FNBP1L: variants seen among roughly 807,000 people sequenced by gnomAD.
The protein encoded by FNBP1L is formin-binding protein 1-like.
In FNBP1L, 36 loss-of-function variants were observed where a neutral mutation model predicts 91.2. The ratio of observed to expected loss-of-function variants is 0.39; its 90% CI spans 0.30 to 0.52. The LOEUF (loss-of-function observed/expected upper bound fraction) is 0.52. FNBP1L is among the 20% of genes least tolerant of loss of function. The pLI is 0.66. For synonymous variants in FNBP1L, 242 were observed against 237.0 expected, an observed-to-expected ratio of 1.02 and a Z score of -0.19; for missense variants, 571 against 732.1, an observed-to-expected ratio of 0.78 and a Z score of 2.54.
At chr1:93,449,642 C>G (rs1321188318) in intron 1 of FNBP1L, among the ~76,000 whole-genome samples, 1 of 152,192 alleles carries the variant, frequency 6.6e-6, no homozygotes, top group Non-Finnish European at 1.5e-5. Flanking sequence ...TGTACAAGTG[C>G]TTACCCAGTC....
chr1:93,536,419 G>C lies in FNBP1L; in HGVS notation c.1078G>C (p.Val360Leu), dbSNP rs948721458. 1.9e-6 allele frequency: 3 copies of C among 1,550,444 alleles called. No homozygotes were observed. The highest frequency in any genetic ancestry group is 2.7e-5 in the African/African-American group (2 of 72,914). ...SQFLTFSIEP[V>L]HYCMNEIKTG... is the part of the protein sequence containing the mutation. ...GTTTCTCACATTCTCCATTGAGCCC[G>C]TGCATTATTGTATGAATGAAATAAA... is the stretch of plus-strand genomic sequence containing the variant. The change falls in exon 10 of 17, where the codon GTG becomes CTG. Residue 360 changes from valine to leucine, a missense_variant. This residue lies in a region of FNBP1L where 150 missense variants were observed against 155.9 expected (regional missense o/e 0.96). Coordinates refer to ENST00000271234, the MANE Select transcript of FNBP1L (RefSeq NM_001164473.3).
chr1:93,499,464 C>T lies in FNBP1L; in HGVS notation c.25-4C>T, dbSNP rs767595288. The T allele has an allele frequency of 1.9e-6, 3 of 1,561,410 alleles. No homozygotes were observed. Among genetic ancestry groups the T allele is most frequent in the East Asian group, 4.5e-5 (2 of 44,240 alleles). ...GAAAATGCATTTTTATCTTCCTTTT[C>T]CAGGATCAGTTCGACAGCTTAGACA... On this transcript the variant is annotated splice_polypyrimidine_tract_variant and splice_region_variant and intron_variant, in intron 1 of 16. Coordinates refer to ENST00000271234, the MANE Select transcript of FNBP1L (RefSeq NM_001164473.3).
At chr1:93,519,725 G>C (rs745686153) in intron 2 of FNBP1L, among the ~76,000 whole-genome samples, 2 of 152,160 alleles carry the variant, frequency 1.3e-5, no homozygotes, top group Non-Finnish European at 2.9e-5. Flanking sequence ...CAAGGCAGGC[G>C]GATCACTTGA....
intron 3 of FNBP1L, among the ~76,000 whole-genome samples, 174 bp downstream of exon 3, chr1:93,522,309 G>A (rs1228923289): frequency 6.6e-6 from 1 of 152,116 alleles, no homozygotes; most frequent in African/African-American, 2.4e-5. Flanking sequence ...GATAAATACT[G>A]TAGTGGGCTT....
At position 93,509,326 on chromosome 1, in the gene FNBP1L, A is replaced by G. The variant is rs545379577; in HGVS notation, c.140+9743A>G. ...AACCTCCACAGTTGCTTCAGCAGAG[A>G]ATGAGGGAGCCCAGAGGGTTGTACA... On this transcript the variant is annotated intron_variant, in intron 2 of 16. Transcript: ENST00000271234. Among the ~76,000 whole-genome samples the G allele has an allele frequency of 4.6e-5, 7 of 152,292 alleles. 2 individuals carry two copies. The South Asian group carries it at 1.5e-3, about 32-fold the overall frequency.
chr1:93,547,453 T>C lies in FNBP1L; in HGVS notation c.1502+12T>C, dbSNP rs1457435978. 6.5e-7 allele frequency: 1 copy of C among 1,545,670 alleles called. No individual in the cohort carries two copies. Among genetic ancestry groups the C allele is most frequent in the Non-Finnish European group, 8.8e-7 (1 of 1,142,184 alleles). ...CAGGGACGAGAAAGGTGATTTTTTG[T>C]ATTTTATTTGTATTTCTTCTCCCCA... On this transcript the variant is annotated intron_variant, in intron 14 of 16. Transcript: ENST00000271234.
chr1:93,499,539 TAAAG>T lies in FNBP1L; in HGVS notation c.98_101del (p.Lys33ArgfsTer3). On this transcript the variant is annotated frameshift_variant, in exon 2 of 17. Transcript: ENST00000271234. LOFTEE classifies it high-confidence loss of function. ...TCTTGGAAAGATATGCCAAATTTGTTAAAGAGAGGATAGAAATTGAACAGAACTA... is the reference window on the plus strand; with the variant it reads ...TCTTGGAAAGATATGCCAAATTTGTTAGAGGATAGAAATTGAACAGAACTA... The T allele has an allele frequency of 6.2e-7, 1 of 1,604,208 alleles. No homozygotes were observed. Among genetic ancestry groups the T allele is most frequent in the Non-Finnish European group, 8.5e-7 (1 of 1,175,578 alleles).
chr1:93,515,863 A>G (rs1671083820), intron 2 of FNBP1L, among the ~76,000 whole-genome samples: 3 of 152,110 alleles, frequency 2.0e-5, no homozygotes, highest in Non-Finnish European at 4.4e-5. Context: ...ATGTATACAT[A>G]TGTAGCTAAC....
intron 1 of FNBP1L, among the ~76,000 whole-genome samples, chr1:93,467,837 G>A (rs1669143589): frequency 6.6e-6 from 1 of 152,110 alleles, no homozygotes. Context: ...TACTCTTGAG[G>A]GTGAGGTGAG....
At chr1:93,463,112 T>C (rs1046171046) in intron 1 of FNBP1L, among the ~76,000 whole-genome samples, 2 of 152,196 alleles carry the variant, frequency 1.3e-5, no homozygotes, top group East Asian at 1.9e-4. Flanking sequence ...TTGAGCTCTT[T>C]CGGTTGGCTT....
rs1487654332 is a variant in FNBP1L at position 93,551,115 on chromosome 1, C to T, written c.1810+10C>T. On this transcript the variant is annotated intron_variant, in intron 16 of 16. Coordinates refer to ENST00000271234, the MANE Select transcript of FNBP1L (RefSeq NM_001164473.3). ...GAGAAAAACAGTAAAGGTGCAGTAA[C>T]TTATATCTAAACTAACCAGGCACCT... The T allele has an allele frequency of 1.3e-6, 2 of 1,596,326 alleles. No homozygotes were observed. The highest frequency in any genetic ancestry group is 1.7e-6 in the Non-Finnish European group (2 of 1,170,352).
At chr1:93,513,058 TA>T (rs1331183584) in intron 2 of FNBP1L, among the ~76,000 whole-genome samples, 2 of 151,980 alleles carry the variant, frequency 1.3e-5, no homozygotes, top group Non-Finnish European at 2.9e-5. Flanking sequence ...AAGAATCAAA[TA>T]GACGCAATAA....
At chr1:93,518,168 G>A (rs1671197333) in intron 2 of FNBP1L, among the ~76,000 whole-genome samples, 1 of 151,966 alleles carries the variant, frequency 6.6e-6, no homozygotes, top group African/African-American at 2.4e-5. Context: ...TCTCTACTGG[G>A]CATTTTTATT....
chr1:93,467,183 G>T (rs1343412657), intron 1 of FNBP1L, among the ~76,000 whole-genome samples: 1 of 152,120 alleles, frequency 6.6e-6, no homozygotes, highest in Non-Finnish European at 1.5e-5. Flanking sequence ...AGAGATATTT[G>T]TCCACCCGTG....
chr1:93,548,695 C>T (rs369029223), intron 14 of FNBP1L, among the ~76,000 whole-genome samples: 1 of 152,046 alleles, frequency 6.6e-6, no homozygotes, highest in East Asian at 1.9e-4. Flanking sequence ...TTTAAGGCTC[C>T]AAAGCTCTAG....
chr1:93,487,121 GTC>G lies in FNBP1L; in HGVS notation c.25-12346_25-12345del, dbSNP rs1330366849. Among the ~76,000 whole-genome samples, 136 of 152,262 alleles carry G rather than the reference GTC, an allele frequency of 8.9e-4. 1 individual carries two copies. The highest frequency in any genetic ancestry group is 1.7e-3 in the Non-Finnish European group (117 of 68,024). ...CAATGATCTGCATGTTGCTAAAGTGGTCAGTTTTCAGTCTTTTTACTACTTTT... is the reference window on the plus strand; with the variant it reads ...CAATGATCTGCATGTTGCTAAAGTGGAGTTTTCAGTCTTTTTACTACTTTT... On this transcript the variant is annotated intron_variant, in intron 1 of 16. Transcript: ENST00000271234.
rs2101771218 is a variant in FNBP1L, at chr1:93,544,077, C to G, written c.1165-30C>G. ...TAAAAATAAAATTTCCCGAAAATGT[C>G]TATTATAATGATTTAGATTCTCTTT... On this transcript the variant is annotated intron_variant, in intron 11 of 16. Coordinates refer to ENST00000271234, the MANE Select transcript of FNBP1L (RefSeq NM_001164473.3). The G allele has an allele frequency of 2.0e-6, 3 of 1,487,182 alleles. No homozygotes were observed. The East Asian group carries it at 6.9e-5, about 34-fold the overall frequency. 92.1% of individuals were successfully genotyped at this position (1,487,182 alleles called of 1,614,324 possible).
intron 1 of FNBP1L, among the ~76,000 whole-genome samples, chr1:93,489,555 A>G (rs1338810993): frequency 2.0e-5 from 3 of 152,016 alleles, no homozygotes; most frequent in Non-Finnish European, 4.4e-5. Flanking sequence ...ATCACAGAGA[A>G]GTTAAAAAAA....
chr1:93,454,198 A>G (rs1668582456), intron 1 of FNBP1L, among the ~76,000 whole-genome samples: 1 of 152,170 alleles, frequency 6.6e-6, no homozygotes, highest in Non-Finnish European at 1.5e-5. Flanking sequence ...ACCTGAGTCT[A>G]GTGTTGCGTT....
Sources: allele counts gnomAD v4.1 joint callset (sites outside exome capture counted in the v4.1 genomes callset), GRCh38; gene constraint gnomAD v4.1.1; regional missense constraint gnomAD v4.1.1; transcripts MANE v1.5; gene names NCBI Gene and HGNC (gene_info 2026-07-23, HGNC 2026-07-21).